Variants in ESR1 observed in about 807,000 individuals in gnomAD.
ESR1 encodes the protein estrogen receptor 1.
Under a neutral mutation model 52.7 loss-of-function variants are expected in ESR1, and 12 were observed. The ratio of observed to expected loss-of-function variants is 0.23; its 90% CI spans 0.15 to 0.37. ESR1 has a LOEUF of 0.37. Ranked by LOEUF, ESR1 falls within the 10% of genes least tolerant of loss-of-function variation. The pLI is 1.00. For missense variants in ESR1, 584 were observed against 779.7 expected, an observed-to-expected ratio of 0.75 and a Z score of 2.99; for synonymous variants, 305 against 316.8, an observed-to-expected ratio of 0.96 and a Z score of 0.39.
At chr6:151,876,977 AC>A (rs1791940832) in intron 2 of ESR1, among the ~76,000 whole-genome samples, 8 of 145,758 alleles carry the variant, frequency 5.5e-5, no homozygotes, top group Admixed American at 6.7e-5. Context: ...AAAAAAAAAC[AC>A]ACACACACAC....
intron 3 of ESR1, among the ~76,000 whole-genome samples, chr6:151,914,274 G>A (rs1339852217): frequency 2.0e-5 from 3 of 149,786 alleles, no homozygotes; most frequent in Admixed American, 6.7e-5. Flanking sequence ...AAAAGGCTTC[G>A]GTCTTATTTT....
chr6:151,682,646 T>C (rs1274367931), intron 1 of ESR1, among the ~76,000 whole-genome samples: 2 of 152,230 alleles, frequency 1.3e-5, no homozygotes, highest in East Asian at 3.8e-4. Context: ...ATCAGAATAG[T>C]ATACGTGGAA....
chr6:151,735,638 A>C lies in ESR1; in HGVS notation c.-71+33633A>C, dbSNP rs185896724. Among the ~76,000 whole-genome samples the C allele has an allele frequency of 3.3e-5, 5 of 152,126 alleles. No homozygotes were observed. In the East Asian group the frequency reaches 9.7e-4, roughly 30 times the overall value. Reference sequence around the variant, plus strand: ...TACATGCATGAATTGTATAGTGCTGAAGTCTGGGATTTTAGTTTACCCATC... The same window carrying C: ...TACATGCATGAATTGTATAGTGCTGCAGTCTGGGATTTTAGTTTACCCATC... On this transcript the variant is annotated intron_variant, in intron 2 of 2. Transcript: ENST00000404742.
intron 4 of ESR1, among the ~76,000 whole-genome samples, chr6:151,958,071 A>G (rs567626192): frequency 6.6e-6 from 1 of 152,352 alleles, no homozygotes; most frequent in Non-Finnish European, 1.5e-5. Context: ...GGAACGCTGA[A>G]AATACAGTCT....
chr6:151,931,308 T>C lies in ESR1; in HGVS notation c.761-12865T>C, dbSNP rs545078441. On this transcript the variant is annotated intron_variant, in intron 3 of 7. Coordinates refer to ENST00000206249, the MANE Select transcript of ESR1 (RefSeq NM_000125.4). ...TGGCCGTGTTGAATCAATTGATTAG[T>C]CCTCAAAGACATTTTTCATTTCTGT... Among the ~76,000 whole-genome samples the C allele has an allele frequency of 4.6e-5, 7 of 152,354 alleles. No homozygotes were observed. The East Asian group carries it at 9.6e-4, about 21-fold the overall frequency.
At chr6:151,852,639 G>GTTTTTTTTTTTTTTTTTTTT (rs35050297) in intron 2 of ESR1, among the ~76,000 whole-genome samples, 1 of 127,902 alleles carries the variant, frequency 7.8e-6, no homozygotes. Flanking sequence ...CCAAGCAGGT[G>GTTTTTTTTTTTTTTTTTTTT]TTTTTTTTTT....
Position 152,002,185 on chromosome 6 carries a change from AGTGTGT to A in ESR1, c.1097-9439_1097-9434del, listed in dbSNP as rs10578838. Reference sequence around the variant, plus strand: ...AGGTGTTCCTCTAGATTTTAAATCAAGTGTGTGTGTGTGTGTGTGTGTGTGTGTGTG... The same window carrying A: ...AGGTGTTCCTCTAGATTTTAAATCAAGTGTGTGTGTGTGTGTGTGTGTGTG... On this transcript the variant is annotated intron_variant, in intron 4 of 7. Transcript: ENST00000206249. 7.2e-3 allele frequency among the ~76,000 whole-genome samples: 1,020 copies of A among 141,480 alleles called. 10 individuals carry two copies. Among genetic ancestry groups the A allele is most frequent in the South Asian group, 0.027 (114 of 4,192 alleles). The allele number at this position is 141,480 out of a possible 152,430, so 92.8% of individuals were successfully genotyped here.
intron 2 of ESR1, among the ~76,000 whole-genome samples, chr6:151,711,315 G>A (rs966490134): frequency 2.0e-5 from 3 of 151,368 alleles, no homozygotes; most frequent in South Asian, 2.1e-4. Context: ...TCCACCTCCC[G>A]GGTTCATGCC....
intron 1 of ESR1, among the ~76,000 whole-genome samples, chr6:151,829,844 C>T (rs1281080528): frequency 6.6e-6 from 1 of 152,206 alleles, no homozygotes; most frequent in African/African-American, 2.4e-5. Context: ...CTGTTCAGAA[C>T]TTAAGAGTAT....
chr6:151,869,681 G>A (rs1261839269), intron 2 of ESR1, among the ~76,000 whole-genome samples: 1 of 152,108 alleles, frequency 6.6e-6, no homozygotes, highest in Non-Finnish European at 1.5e-5. Context: ...ATAGATAGAG[G>A]CTTTCCTCTT....
chr6:151,666,342 C>T (rs1475885642), intron 1 of ESR1, among the ~76,000 whole-genome samples: 3 of 152,194 alleles, frequency 2.0e-5, no homozygotes, highest in Non-Finnish European at 4.4e-5. Flanking sequence ...ATCCTACTAA[C>T]ACCTTCACAG....
At chr6:151,947,263 G>A (rs2035808871) in intron 4 of ESR1, among the ~76,000 whole-genome samples, 1 of 152,128 alleles carries the variant, frequency 6.6e-6, no homozygotes, top group Non-Finnish European at 1.5e-5. Flanking sequence ...AGACTGCAGT[G>A]AGCCGAGACC....
chr6:151,986,421 T>C lies in ESR1; in HGVS notation c.1097-25235T>C, dbSNP rs145978396. Among the ~76,000 whole-genome samples, 355 of 152,198 alleles carry C rather than the reference T, an allele frequency of 2.3e-3. 5 individuals are homozygous for C. The highest frequency in any genetic ancestry group is 8.0e-3 in the African/African-American group (333 of 41,478). On this transcript the variant is annotated intron_variant, in intron 4 of 7. Coordinates refer to ENST00000206249, the MANE Select transcript of ESR1 (RefSeq NM_000125.4). ...CCTCCTCCCCAGATACAACCATTTA[T>C]GTTGAATTAAACTTCTAGTTCTCCT...
intron 2 of ESR1, among the ~76,000 whole-genome samples, chr6:151,791,456 A>C (rs965681226): frequency 6.6e-6 from 1 of 152,170 alleles, no homozygotes; most frequent in African/African-American, 2.4e-5. Context: ...AGCCATGTGG[A>C]ACTGTGAGTC....
chr6:152,056,294 A>C (rs2047096483), intron 5 of ESR1, among the ~76,000 whole-genome samples: 1 of 152,162 alleles, frequency 6.6e-6, no homozygotes, highest in Non-Finnish European at 1.5e-5. Context: ...TAATCTTGCC[A>C]CTATTGATTT....
intron 4 of ESR1, among the ~76,000 whole-genome samples, chr6:151,979,340 AT>A (rs1183723778): frequency 1.3e-5 from 2 of 151,996 alleles, no homozygotes; most frequent in African/African-American, 4.8e-5. Context: ...AAGGTTACTT[AT>A]TTTTTTTAAG....
chr6:152,088,205 G>A lies in ESR1; in HGVS notation c.1370-6180G>A, dbSNP rs537799985. On this transcript the variant is annotated intron_variant, in intron 6 of 7. Coordinates refer to ENST00000206249, the MANE Select transcript of ESR1 (RefSeq NM_000125.4). ...AGATGCCCAAGCTTGACTAAAGTAG[G>A]AAACATAATAAAGTAATAAAATGCT... is the stretch of plus-strand genomic sequence containing the variant. Among the ~76,000 whole-genome samples the A allele has an allele frequency of 4.6e-5, 7 of 152,166 alleles. No individual in the cohort carries two copies. In the East Asian group the frequency reaches 1.2e-3, roughly 25 times the overall value.
At chr6:151,853,203 A>G (rs868309010) in intron 2 of ESR1, among the ~76,000 whole-genome samples, 96 of 149,176 alleles carry the variant, frequency 6.4e-4, no homozygotes, top group Middle Eastern at 3.5e-3. Context: ...AAAAAAGAGA[A>G]AGAAAGAAAG....
intron 1 of ESR1, among the ~76,000 whole-genome samples, chr6:151,684,033 T>C (rs1375956601): frequency 1.3e-5 from 2 of 151,996 alleles, no homozygotes; most frequent in Admixed American, 1.3e-4. Flanking sequence ...AATTCATTTG[T>C]CTCCCTTCCT....
Sources: gnomAD v4.1 joint callset for allele counts (sites outside exome capture counted in the v4.1 genomes callset) on GRCh38, gnomAD v4.1.1 for gene constraint, MANE v1.5 for transcripts, NCBI Gene and HGNC (gene_info 2026-07-23, HGNC 2026-07-21) for gene names.